RBSN: variants seen among roughly 807,000 people sequenced by gnomAD.
RBSN encodes rabenosyn-5.
RBSN carries 34 observed loss-of-function variants against 60.5 expected under a neutral mutation model. The ratio of observed to expected loss-of-function variants is 0.56; its 90% confidence interval spans 0.43 to 0.75. The LOEUF (loss-of-function observed/expected upper bound fraction) is 0.75. Among genes scored for constraint, RBSN ranks in the 30% least tolerant of loss-of-function variants. The pLI is 0.00. For synonymous variants in RBSN, 322 were observed against 366.9 expected (o/e 0.88, Z 1.40); for missense variants, 845 against 986.8 (o/e 0.86, Z 1.92).
chr3:15,081,064 AG>A, intron 9 of RBSN: 3 of 416,716 alleles, frequency 7.2e-6, no homozygotes, highest in South Asian at 6.1e-5. Context: ...CCCAAGGTGG[AG>A]TACAATGGCG....
At chr3:15,086,365 A>C (rs1236104040) in intron 5 of RBSN, among the ~76,000 whole-genome samples, 1 of 152,252 alleles carries the variant, frequency 6.6e-6, no homozygotes, top group Admixed American at 6.5e-5. Context: ...AAAATCTGCT[A>C]AATTGTTAAC....
intron 2 of RBSN, 36 bp downstream of exon 2, chr3:15,098,083 C>A (rs1400067458): frequency 1.3e-5 from 2 of 152,524 alleles, no homozygotes; most frequent in African/African-American, 2.4e-5. Flanking sequence ...TCAGCCCAAA[C>A]CCAAACCTCA....
rs372379857 is a variant in RBSN, at chr3:15,078,144, T to C, written c.929A>G (p.Tyr310Cys). 2.5e-6 allele frequency: 4 copies of C among 1,614,190 alleles called. No individual in the cohort carries two copies. The highest frequency in any genetic ancestry group is 1.3e-5 in the African/African-American group (1 of 75,060). Residue 310 changes from tyrosine (Y) to cysteine (C), a missense_variant, in exon 11 of 14, where the codon TAC (tyrosine) becomes TGC (cysteine). Physicochemically the swap from Tyr to Cys is radical, Grantham distance 194 (BLOSUM62 -2). Transcript: ENST00000253699. ...AAGGTCACTGGCATGTTCCAGACTG[T>C]AGGTTGTCTCCCCAGCACTAAGGAG... ...AASLNAGETT[Y>C]SLEHASDLRV...
intron 5 of RBSN, among the ~76,000 whole-genome samples, chr3:15,087,603 G>A (rs1466644480): frequency 6.6e-6 from 1 of 152,014 alleles, no homozygotes; most frequent in African/African-American, 2.4e-5. Flanking sequence ...CCTTCGATCA[G>A]CATCTCCACA....
In RBSN at chr3:15,080,748, T is replaced by A. The variant is rs976589018; in HGVS notation, c.895A>T (p.Met299Leu). 9.9e-6 allele frequency: 16 copies of A among 1,614,020 alleles called. No homozygotes were observed. The highest frequency in any genetic ancestry group is 1.1e-5 in the Non-Finnish European group (13 of 1,180,014). ...ATAGCTTACTTTAATGATGCTGCCA[T>A]CCTGATGTATTCTGGAGCTTTCTGG... The part of the protein sequence containing the change: ...VDQKAPEYIR[M>L]AASLNAGETT... The change falls in exon 10 of 14, where the codon ATG becomes TTG. Residue 299 changes from methionine (M) to leucine (L), a missense_variant. By Grantham distance (15) the Met-to-Leu change is conservative (BLOSUM62 2). Coordinates refer to ENST00000253699, the MANE Select transcript of RBSN (RefSeq NM_022340.4).
Position 15,084,636 on chromosome 3 carries a change from T to G in RBSN, c.598+99A>C. On this transcript the variant is annotated intron_variant, in intron 8 of 13. Transcript: ENST00000253699. The surrounding 1 kb of genome is among the most constrained non-coding windows in gnomAD (Gnocchi z 4.2). ...ATGAATGAAGATTCCCATGAGCCAT[T>G]AATTTAACAAAAAGGTTCCACGATC... The G allele has an allele frequency of 1.4e-6, 2 of 1,417,292 alleles. No homozygotes were observed. The highest frequency in any genetic ancestry group is 2.3e-5 in the East Asian group (1 of 43,280). The allele number at this position is 1,417,292 out of a possible 1,614,324, so 87.8% of individuals were successfully genotyped here.
intron 10 of RBSN, among the ~76,000 whole-genome samples, chr3:15,080,035 G>C (rs890600810): frequency 4.6e-5 from 7 of 152,280 alleles, no homozygotes; most frequent in Non-Finnish European, 1.0e-4. Context: ...ACGAGGTCAA[G>C]AGATCAAGAC....
At chr3:15,089,191 C>T (rs971062803) in intron 5 of RBSN, among the ~76,000 whole-genome samples, 4 of 151,996 alleles carry the variant, frequency 2.6e-5, no homozygotes, top group East Asian at 3.9e-4. Context: ...TGTAGGCAGG[C>T]GTAGTGGCTC....
intron 5 of RBSN, 130 bp from the exon 6 acceptor site, chr3:15,086,091 C>CAAAA (rs60131546): frequency 4.6e-4 from 44 of 94,782 alleles, no homozygotes; most frequent in South Asian, 1.5e-3. Flanking sequence ...CGTCTCTCTC[C>CAAAA]AAAAAAAAAA....
chr3:15,086,100 A>AC, intron 5 of RBSN, 139 bp from the exon 6 acceptor site: 1 of 484,550 alleles, frequency 2.1e-6, no homozygotes. Flanking sequence ...CCAAAAAAAA[A>AC]AAAAAAAAAA....
chr3:15,094,896 CTT>C (rs985233567), intron 4 of RBSN, among the ~76,000 whole-genome samples: 4 of 152,314 alleles, frequency 2.6e-5, no homozygotes, highest in Non-Finnish European at 4.4e-5. Context: ...CCAATAAAGA[CTT>C]TGAATACAAC....
chr3:15,076,339 G>A (rs1000867085), intron 12 of RBSN, among the ~76,000 whole-genome samples: 16 of 152,076 alleles, frequency 1.1e-4, no homozygotes, highest in Admixed American at 5.2e-4. Flanking sequence ...AGTGGCTCAC[G>A]CCTATAATCC....
chr3:15,074,277 A>G lies in RBSN; in HGVS notation c.1860T>C (p.His620=). Reference sequence around the variant, plus strand: ...CAAAGGGGTTTAAGGAGGGCCCCTCATGTTGCTGTGGCATGCTGCTCTGGG... The same window carrying G: ...CAAAGGGGTTTAAGGAGGGCCCCTCGTGTTGCTGTGGCATGCTGCTCTGGG... ...RLPQSSMPQQ[H]EGPSLNPFDE... Residue 620 remains histidine, a synonymous_variant, in exon 14 of 14, where the codon CAT becomes CAC. Transcript: ENST00000253699. The surrounding 1 kb of genome is among the most constrained non-coding windows in gnomAD (Gnocchi z 6.4). 2 of 1,613,550 alleles carry G rather than the reference A, an allele frequency of 1.2e-6. No individual in the cohort carries two copies. The highest frequency in any genetic ancestry group is 1.7e-6 in the Non-Finnish European group (2 of 1,179,724).
intron 9 of RBSN, chr3:15,081,616 A>G (rs1402118734): frequency 1.3e-5 from 2 of 152,370 alleles, no homozygotes; most frequent in Non-Finnish European, 2.9e-5. Flanking sequence ...TGACCTGCAG[A>G]ACTACTAACA....
At chr3:15,090,661 A>G in intron 4 of RBSN, 122 bp from the exon 5 acceptor site, 2 of 1,371,356 alleles carry the variant, frequency 1.5e-6, no homozygotes, top group Non-Finnish European at 2.0e-6. Context: ...TGCACCAGAA[A>G]TATTTAGATC....
chr3:15,080,037 G>T (rs1000196032), intron 10 of RBSN, among the ~76,000 whole-genome samples: 1 of 152,130 alleles, frequency 6.6e-6, no homozygotes, highest in Non-Finnish European at 1.5e-5. Context: ...GAGGTCAAGA[G>T]ATCAAGACCA....
intron 10 of RBSN, among the ~76,000 whole-genome samples, chr3:15,080,289 C>T (rs980770600): frequency 6.6e-6 from 1 of 151,830 alleles, no homozygotes; most frequent in Non-Finnish European, 1.5e-5. Flanking sequence ...ATTTGGCCCA[C>T]GGGCTGCAGT....
rs945456010 is a variant in RBSN at position 15,080,715 on chromosome 3, A to G, written c.911+17T>C. 1.2e-6 allele frequency: 2 copies of G among 1,612,722 alleles called. No individual in the cohort carries two copies. The highest frequency in any genetic ancestry group is 2.7e-5 in the African/African-American group (2 of 74,880). On this transcript the variant is annotated intron_variant, in intron 10 of 13. Coordinates refer to ENST00000253699, the MANE Select transcript of RBSN (RefSeq NM_022340.4). ...ACAGTCACCACTGGATTAGAAAAAC[A>G]TAGATGAATAGCTTACTTTAATGAT...
At position 15,086,058 on chromosome 3, in the gene RBSN, G is replaced by C. The variant is rs1173874103; in HGVS notation, c.290-97C>G. On this transcript the variant is annotated intron_variant, in intron 5 of 13. Coordinates refer to ENST00000253699, the MANE Select transcript of RBSN (RefSeq NM_022340.4). ...CTTATCCCAGTGAATTTCAAAAGCA[G>C]GTTGGTCAACATAGCGAGACCCCGT... 6 of 760,510 alleles carry C rather than the reference G, an allele frequency of 7.9e-6. No individual in the cohort carries two copies. In the Admixed American group the frequency reaches 1.3e-4, roughly 17 times the overall value. The allele number at this position is 760,510 out of a possible 1,614,324, so 47.1% of individuals were successfully genotyped here.
Sources: allele counts gnomAD v4.1 joint callset (sites outside exome capture counted in the v4.1 genomes callset), GRCh38; gene constraint gnomAD v4.1.1; non-coding constraint Gnocchi (gnomAD v3.1); transcripts MANE v1.5; gene names NCBI Gene and HGNC (gene_info 2026-07-23, HGNC 2026-07-21).